Variants in PRDM5 observed in about 807,000 individuals in gnomAD.
PRDM5 encodes the protein PR/SET domain 5, also known as PR domain zinc finger protein 5.
PRDM5 carries 56 observed loss-of-function variants against 81.2 expected under a neutral mutation model. The observed-to-expected ratio is 0.69, with a 90% CI of 0.56 to 0.86. PRDM5 has a LOEUF of 0.86. Among genes scored for constraint, PRDM5 ranks in the 40% least tolerant of loss-of-function variants. PRDM5 has a pLI of 0.00. For missense variants in PRDM5, 697 were observed against 770.1 expected, an observed-to-expected ratio of 0.91 and a Z score of 1.12; for synonymous variants, 267 against 256.4, an observed-to-expected ratio of 1.04 and a Z score of -0.39.
At chr4:120,701,060 G>C (rs544909477) in intron 15 of PRDM5, among the ~76,000 whole-genome samples, 92 of 152,198 alleles carry the variant, frequency 6.0e-4, no homozygotes, top group African/African-American at 2.0e-3. Flanking sequence ...GGGAGGCGGA[G>C]GTTGCAGTGA....
intron 14 of PRDM5, among the ~76,000 whole-genome samples, chr4:120,736,057 T>G (rs1741070696): frequency 6.6e-6 from 1 of 151,518 alleles, no homozygotes; most frequent in Admixed American, 6.6e-5. Flanking sequence ...GTCCATTTTT[T>G]TAGCACCCAT....
In PRDM5 at chr4:120,816,584, A is replaced by C; in HGVS notation, c.744-10T>G. The C allele has an allele frequency of 1.2e-6, 2 of 1,614,044 alleles. No individual in the cohort carries two copies. The highest frequency in any genetic ancestry group is 2.2e-5 in the South Asian group (2 of 91,072). On this transcript the variant is annotated splice_polypyrimidine_tract_variant and intron_variant, in intron 6 of 15. Coordinates refer to ENST00000264808, the MANE Select transcript of PRDM5 (RefSeq NM_018699.4). ...CTGGTGCTGCTCAAAACTACAAGAC[A>C]ACCAGCAAAGCGGAACAGGAAGAAA...
intron 1 of PRDM5, among the ~76,000 whole-genome samples, chr4:120,907,944 T>A (rs1766021978): frequency 6.6e-6 from 1 of 152,230 alleles, no homozygotes; most frequent in Non-Finnish European, 1.5e-5. Context: ...CTGGTTTCCA[T>A]AAAAATCATA....
intron 2 of PRDM5, among the ~76,000 whole-genome samples, chr4:120,878,730 C>G (rs1561579517): frequency 6.6e-6 from 1 of 152,082 alleles, no homozygotes; most frequent in Non-Finnish European, 1.5e-5. Context: ...CAAAAAAAAT[C>G]TAAACAAACC....
At chr4:120,703,835 A>T (rs1299436708) in intron 15 of PRDM5, among the ~76,000 whole-genome samples, 1 of 152,084 alleles carries the variant, frequency 6.6e-6, no homozygotes, top group Non-Finnish European at 1.5e-5. Context: ...CTCCCTCCCA[A>T]GGGCCAACTA....
chr4:120,799,153 G>C (rs1751766107), intron 9 of PRDM5, among the ~76,000 whole-genome samples: 3 of 151,802 alleles, frequency 2.0e-5, no homozygotes, highest in Admixed American at 2.0e-4. Context: ...CATAAGACTT[G>C]CTTAAATGAA....
intron 14 of PRDM5, among the ~76,000 whole-genome samples, chr4:120,742,575 A>T (rs13127077): frequency 0.2 from 30,092 of 152,076 alleles, 3,339 homozygotes; most frequent in Non-Finnish European, 0.24. Context: ...AATACAGAGA[A>T]GTGCTTAAAG....
At chr4:120,742,744 A>C (rs904418300) in intron 14 of PRDM5, among the ~76,000 whole-genome samples, 4 of 152,168 alleles carry the variant, frequency 2.6e-5, no homozygotes, top group Non-Finnish European at 5.9e-5. Context: ...GAATAAAAAG[A>C]AACGAGCAAA....
At chr4:120,892,001 T>G (rs1764101345) in intron 2 of PRDM5, among the ~76,000 whole-genome samples, 1 of 152,228 alleles carries the variant, frequency 6.6e-6, no homozygotes, top group Non-Finnish European at 1.5e-5. Context: ...GATTCTGGTA[T>G]GTTGTATCTT....
intron 2 of PRDM5, among the ~76,000 whole-genome samples, chr4:120,904,451 T>G (rs1765575304): frequency 6.6e-6 from 1 of 152,102 alleles, no homozygotes; most frequent in African/African-American, 2.4e-5. Context: ...CCTTCTGAAT[T>G]GTGTAACAAG....
At chr4:120,720,439 C>T (rs1396683686) in intron 14 of PRDM5, among the ~76,000 whole-genome samples, 2 of 152,158 alleles carry the variant, frequency 1.3e-5, no homozygotes, top group African/African-American at 2.4e-5. Context: ...AAACCAAATT[C>T]GCAACAGAAT....
Position 120,781,348 on chromosome 4 carries a change from A to G in PRDM5, c.1283-45T>C, listed in dbSNP as rs748426484. 1.0e-5 allele frequency: 16 copies of G among 1,564,340 alleles called. No homozygotes were observed. The African/African-American group carries it at 2.2e-4, about 21-fold the overall frequency. ...ATTTAAGAAGCAATAGCAGGGTCCTATTAATTTCCTCCCATGTATGCCAGA... is the reference window on the plus strand; with the variant it reads ...ATTTAAGAAGCAATAGCAGGGTCCTGTTAATTTCCTCCCATGTATGCCAGA... On this transcript the variant is annotated intron_variant, in intron 11 of 15. Coordinates refer to ENST00000264808, the MANE Select transcript of PRDM5 (RefSeq NM_018699.4).
At chr4:120,688,321 A>G (rs1046874023), downstream of PRDM5, among the ~76,000 whole-genome samples, 2 of 151,550 alleles carry the variant, frequency 1.3e-5, no homozygotes, top group Admixed American at 6.6e-5. Context: ...CCATTTTTCA[A>G]TTGGGTTGTT....
intron 14 of PRDM5, among the ~76,000 whole-genome samples, chr4:120,737,334 C>T (rs1337762605): frequency 1.3e-5 from 2 of 152,136 alleles, no homozygotes; most frequent in Non-Finnish European, 1.5e-5. Flanking sequence ...AACTGCCTCC[C>T]ATATGGTAAA....
At chr4:120,887,954 G>T (rs184848403) in intron 2 of PRDM5, among the ~76,000 whole-genome samples, 1,097 of 107,110 alleles carry the variant, frequency 0.01, 266 homozygotes, top group Admixed American at 0.068. Context: ...CACTACGCCC[G>T]GCTAATTTTT....
chr4:120,878,539 C>T (rs978627028), intron 2 of PRDM5, among the ~76,000 whole-genome samples: 3 of 152,052 alleles, frequency 2.0e-5, no homozygotes, highest in South Asian at 4.1e-4. Context: ...ACCAAAAGCA[C>T]AGACCCATGA....
At chr4:120,798,839 C>T (rs1489906366) in intron 9 of PRDM5, among the ~76,000 whole-genome samples, 3 of 152,126 alleles carry the variant, frequency 2.0e-5, no homozygotes, top group African/African-American at 7.2e-5. Context: ...GCTTCCAATG[C>T]TCGGCAGGAA....
intron 10 of PRDM5, among the ~76,000 whole-genome samples, chr4:120,790,835 T>C (rs1750457245): frequency 6.6e-6 from 1 of 152,152 alleles, no homozygotes; most frequent in Non-Finnish European, 1.5e-5. Flanking sequence ...TGTGCACTAC[T>C]CGGGAGGCTG....
At chr4:120,884,615 C>A (rs1763203712) in intron 2 of PRDM5, among the ~76,000 whole-genome samples, 1 of 152,094 alleles carries the variant, frequency 6.6e-6, no homozygotes, top group African/African-American at 2.4e-5. Flanking sequence ...GCACCCAGTA[C>A]AAAATATCTA....
Sources: gnomAD v4.1 joint callset for allele counts (sites outside exome capture counted in the v4.1 genomes callset) on GRCh38, gnomAD v4.1.1 for gene constraint, MANE v1.5 for transcripts, NCBI Gene and HGNC (gene_info 2026-07-23, HGNC 2026-07-21) for gene names.